The following TMED3 variants were observed in gnomAD, a reference collection of about 807,000 sequenced individuals.
TMED3 encodes the protein transmembrane p24 trafficking protein 3, also known as transmembrane emp24 domain-containing protein 3.
Under a neutral mutation model 15.0 loss-of-function variants are expected in TMED3, and 9 were observed. That is an observed-to-expected ratio of 0.60 (90% CI 0.36 to 1.04). TMED3 has a LOEUF of 1.04. Ranked by LOEUF, TMED3 falls within the 50% of genes least tolerant of loss-of-function variation. The pLI is 0.01. For missense variants in TMED3, 267 were observed against 278.9 expected, an observed-to-expected ratio of 0.96 and a Z score of 0.30; for synonymous variants, 117 against 121.4, an observed-to-expected ratio of 0.96 and a Z score of 0.24.
At chr15:79,389,404 A>G (rs1481719714) in intron 2 of TMED3, among the ~76,000 whole-genome samples, 1 of 152,022 alleles carries the variant, frequency 6.6e-6, no homozygotes, top group Non-Finnish European at 1.5e-5. Flanking sequence ...GTCTGTAAGT[A>G]TTTGGGTTTA....
chr15:79,353,262 TTATATATAA>T (rs1452664825), intron 2 of TMED3, among the ~76,000 whole-genome samples: 4 of 47,028 alleles, frequency 8.5e-5, no homozygotes, highest in East Asian at 5.4e-4. Context: ...ATAATATATA[TTATATATAA>T]TATATATAAT....
At chr15:79,328,058 T>G (rs2058793661) in intron 2 of TMED3, among the ~76,000 whole-genome samples, 1 of 152,192 alleles carries the variant, frequency 6.6e-6, no homozygotes, top group Admixed American at 6.5e-5. Context: ...TCATAGAAAA[T>G]GAAGCTGCTT....
intron 2 of TMED3, among the ~76,000 whole-genome samples, chr15:79,397,607 T>A (rs1893777435): frequency 1.3e-5 from 2 of 152,238 alleles, no homozygotes; most frequent in African/African-American, 4.8e-5. Flanking sequence ...AGGAGTTGAC[T>A]CTGGATACAT....
chr15:79,323,987 A>G (rs1321827852), downstream of TMED3, among the ~76,000 whole-genome samples: 2 of 152,152 alleles, frequency 1.3e-5, no homozygotes, highest in African/African-American at 4.8e-5. Context: ...TTCCCAATCC[A>G]GAAGAAATTT....
rs566795011 is a variant in TMED3, at chr15:79,322,445, A to G, written c.*231A>G. ...ATTAAGTGTGCAGCGCTGAAAAGAC[A>G]TTTACAACTAGGCCAGGGATTAGCC... On this transcript the variant is annotated 3_prime_UTR_variant, in exon 3 of 3. Transcript: ENST00000299705. 304 of 1,359,482 alleles carry G rather than the reference A, an allele frequency of 2.2e-4. No individual in the cohort carries two copies. The Admixed American group carries it at 2.3e-3, about 10-fold the overall frequency. 84.2% of individuals were successfully genotyped at this position (1,359,482 alleles called of 1,614,324 possible). A position where few individuals can be genotyped will look rare whatever the true frequency, so the allele number is the denominator to read the frequency against.
At chr15:79,396,603 G>A (rs1484589692) in intron 2 of TMED3, among the ~76,000 whole-genome samples, 2 of 152,196 alleles carry the variant, frequency 1.3e-5, no homozygotes, top group African/African-American at 4.8e-5. Context: ...CAAGGTGGAC[G>A]CTGCACGGCG....
intron 2 of TMED3, among the ~76,000 whole-genome samples, chr15:79,343,115 G>A (rs190782067): frequency 2.0e-5 from 3 of 152,248 alleles, no homozygotes; most frequent in East Asian, 3.9e-4. Flanking sequence ...AAGAATTGGT[G>A]TGGCAGTGAG....
At chr15:79,353,577 C>CACAT in intron 2 of TMED3, among the ~76,000 whole-genome samples, 1 of 134,538 alleles carries the variant, frequency 7.4e-6, no homozygotes, top group East Asian at 2.0e-4. Flanking sequence ...GTTAAAAATA[C>CACAT]ACACACACAC....
rs1373529043 is a variant in TMED3 at position 79,353,190 on chromosome 15, T to TATTTTATATATTATAC, written c.417+39187_417+39188insTTTATATATTATACAT. Among the ~76,000 whole-genome samples the TATTTTATATATTATAC allele has an allele frequency of 1.1e-4, 6 of 53,260 alleles. No homozygotes were observed. The South Asian group carries it at 1.7e-3, about 15-fold the overall frequency. The allele number at this position is 53,260 out of a possible 152,430, so 34.9% of individuals were successfully genotyped here. A position where few individuals can be genotyped will look rare whatever the true frequency, so the allele number is the denominator to read the frequency against. ...ATATATACATAATATATAAAATATA[T>TATTTTATATATTATAC]ATAATATATAAAATATATATTATAT... On this transcript the variant is annotated intron_variant, in intron 2 of 2. Coordinates refer to the TMED3 transcript ENST00000424155.
downstream of TMED3, among the ~76,000 whole-genome samples, chr15:79,324,226 C>T (rs1410609086): frequency 1.3e-5 from 2 of 152,160 alleles, no homozygotes; most frequent in Non-Finnish European, 2.9e-5. Flanking sequence ...CTCCTGACCT[C>T]GTGATCCGCC....
intron 2 of TMED3, among the ~76,000 whole-genome samples, chr15:79,352,751 T>C (rs1283613647): frequency 1.4e-5 from 2 of 143,886 alleles, no homozygotes; most frequent in East Asian, 4.0e-4. Flanking sequence ...TTCTAATAGA[T>C]TTTTAGTTAA....
At chr15:79,410,029 C>T (rs1055642110) in intron 2 of TMED3, among the ~76,000 whole-genome samples, 1 of 152,092 alleles carries the variant, frequency 6.6e-6, no homozygotes, top group African/African-American at 2.4e-5. Context: ...TGGTACTTTT[C>T]ACTACACCCT....
intron 2 of TMED3, among the ~76,000 whole-genome samples, chr15:79,377,742 G>A (rs1244044471): frequency 1.3e-5 from 2 of 151,142 alleles, no homozygotes; most frequent in Admixed American, 1.3e-4. Context: ...CCGCCTCCCG[G>A]GTTCACCCAT....
In TMED3 at chr15:79,322,716, G is replaced by A; in HGVS notation, c.*502G>A. 1 of 986,022 alleles carries A rather than the reference G, an allele frequency of 1.0e-6. No homozygotes were observed. Among genetic ancestry groups the A allele is most frequent in the Non-Finnish European group, 1.2e-6 (1 of 830,482 alleles). The allele number at this position is 986,022 out of a possible 1,614,324, so 61.1% of individuals were successfully genotyped here. On this transcript the variant is annotated 3_prime_UTR_variant, in exon 3 of 3. Coordinates refer to ENST00000299705, the MANE Select transcript of TMED3 (RefSeq NM_007364.4). ...CTTTGCAGATCTGCTCACCCTCGGTGAGCAACAGTGTCAGCCATGCAAGCA... is the reference window on the plus strand; with the variant it reads ...CTTTGCAGATCTGCTCACCCTCGGTAAGCAACAGTGTCAGCCATGCAAGCA...
At chr15:79,363,973 T>C (rs563824886) in intron 2 of TMED3, among the ~76,000 whole-genome samples, 80 of 152,318 alleles carry the variant, frequency 5.3e-4, no homozygotes, top group African/African-American at 1.9e-3. Flanking sequence ...GCCAAAGGCA[T>C]AAATCAATAT....
At chr15:79,352,038 A>G (rs1374629555) in intron 2 of TMED3, among the ~76,000 whole-genome samples, 1 of 148,208 alleles carries the variant, frequency 6.7e-6, no homozygotes, top group Admixed American at 6.8e-5. Flanking sequence ...AGGCATAAGA[A>G]TGATACAATG....
At chr15:79,396,336 C>T (rs572917050) in intron 2 of TMED3, among the ~76,000 whole-genome samples, 4 of 152,180 alleles carry the variant, frequency 2.6e-5, no homozygotes, top group Non-Finnish European at 4.4e-5. Context: ...CGGAGAGTAA[C>T]TTGTCATGAC....
chr15:79,403,522 C>T (rs542868056), intron 2 of TMED3, among the ~76,000 whole-genome samples: 39 of 152,222 alleles, frequency 2.6e-4, no homozygotes, highest in South Asian at 8.3e-4. Flanking sequence ...CACTAAGAGC[C>T]GCCCAGAGTG....
intron 2 of TMED3, among the ~76,000 whole-genome samples, chr15:79,329,747 C>T (rs909378237): frequency 1.3e-5 from 2 of 152,190 alleles, no homozygotes; most frequent in Admixed American, 6.5e-5. Flanking sequence ...CTACAGCCCC[C>T]GAATGTTCTT....
Sources: gnomAD v4.1 joint callset for allele counts (sites outside exome capture counted in the v4.1 genomes callset) on GRCh38, gnomAD v4.1.1 for gene constraint, MANE v1.5 for transcripts, NCBI Gene and HGNC (gene_info 2026-07-23, HGNC 2026-07-21) for gene names.